GRIK3: variants seen among roughly 807,000 people sequenced by gnomAD.
GRIK3 encodes the protein glutamate receptor ionotropic, kainate 3.
GRIK3 carries 29 observed loss-of-function variants against 102.5 expected under a neutral mutation model. The observed-to-expected ratio is 0.28, with a 90% CI of 0.21 to 0.39. The LOEUF is 0.39. Among genes scored for constraint, GRIK3 ranks in the 10% least tolerant of loss-of-function variants. The probability of loss-of-function intolerance (pLI) is 1.00; values close to 1 mark genes in which losing one functional copy is unlikely to be tolerated. For missense variants in GRIK3, 908 were observed against 1,252.4 expected, an observed-to-expected ratio of 0.73 and a Z score of 4.15; for synonymous variants, 511 against 504.9, an observed-to-expected ratio of 1.01 and a Z score of -0.16.
chr1:37,026,755 T>C (rs1203597457), intron 1 of GRIK3, among the ~76,000 whole-genome samples: 1 of 152,082 alleles, frequency 6.6e-6, no homozygotes, highest in Admixed American at 6.6e-5. Flanking sequence ...AAGTACACAT[T>C]GGACTCACGT....
rs1035206539 is a variant in GRIK3 at position 36,806,426 on chromosome 1, G to A, written c.2092-100C>T. ...CAACGTGGGTTGGGGCCTTGAACTC[G>A]GTCTACAATCTTCAGAGAAAGGAAG... On this transcript the variant is annotated intron_variant, in intron 13 of 15. Transcript: ENST00000373091. This position sits in a 1 kb window ranked among gnomAD's most constrained non-coding sequence, Gnocchi z 4.0. 4 of 678,240 alleles carry A rather than the reference G, an allele frequency of 5.9e-6. No individual in the cohort carries two copies. Among genetic ancestry groups the A allele is most frequent in the South Asian group, 1.8e-5 (1 of 54,946 alleles). 42.0% of individuals were successfully genotyped at this position (678,240 alleles called of 1,614,324 possible).
intron 7 of GRIK3, 55 bp from the exon 8 acceptor site, chr1:36,853,777 G>A (rs556907256): frequency 4.3e-6 from 4 of 930,840 alleles, no homozygotes; most frequent in African/African-American, 1.6e-5. Context: ...ATCATCATTC[G>A]GTACAACTGT....
chr1:36,995,459 G>T (rs72923870), intron 1 of GRIK3, among the ~76,000 whole-genome samples: 18 of 152,284 alleles, frequency 1.2e-4, no homozygotes, highest in Middle Eastern at 3.4e-3. Flanking sequence ...AGCCATTATG[G>T]TTACTTCTGG....
At chr1:36,985,586 A>G (rs947482620) in intron 1 of GRIK3, among the ~76,000 whole-genome samples, 1 of 152,170 alleles carries the variant, frequency 6.6e-6, no homozygotes, top group Non-Finnish European at 1.5e-5. Flanking sequence ...TCCATCCCCA[A>G]GGTGCCCTGG....
chr1:36,846,937 C>T (rs115587364), intron 9 of GRIK3, among the ~76,000 whole-genome samples: 1,776 of 152,344 alleles, frequency 0.012, 31 homozygotes, highest in African/African-American at 0.041. Flanking sequence ...TCCTCTATCC[C>T]CATCAGGGAT....
intron 1 of GRIK3, among the ~76,000 whole-genome samples, chr1:36,924,218 A>G (rs947074499): frequency 7.9e-5 from 12 of 152,154 alleles, no homozygotes; most frequent in African/African-American, 2.9e-4. Context: ...AGCAAGACTG[A>G]AGTTTTGCAT....
At chr1:36,989,835 A>G (rs187833617) in intron 1 of GRIK3, among the ~76,000 whole-genome samples, 3 of 152,310 alleles carry the variant, frequency 2.0e-5, no homozygotes, top group Non-Finnish European at 4.4e-5. Context: ...TACCAACAAT[A>G]CAGTGATAAC....
At chr1:36,869,672 C>G in intron 5 of GRIK3, 76 bp downstream of exon 5, 1 of 1,155,936 alleles carries the variant, frequency 8.7e-7, no homozygotes, top group African/African-American at 1.5e-5. Flanking sequence ...AGTGGGCTGG[C>G]CCAGGCTAAG....
At chr1:37,029,182 C>T (rs1427998991) in intron 1 of GRIK3, among the ~76,000 whole-genome samples, 1 of 152,220 alleles carries the variant, frequency 6.6e-6, no homozygotes, top group African/African-American at 2.4e-5. Flanking sequence ...GCGCCAGCCC[C>T]ATCCGCATCA....
chr1:36,969,087 C>A (rs1312909969), intron 1 of GRIK3, among the ~76,000 whole-genome samples: 1 of 152,204 alleles, frequency 6.6e-6, no homozygotes, highest in Non-Finnish European at 1.5e-5. Flanking sequence ...CAAGACAAAG[C>A]AACCCTTCCA....
chr1:36,816,240 C>T (rs759272608), intron 13 of GRIK3, among the ~76,000 whole-genome samples: 7 of 152,136 alleles, frequency 4.6e-5, no homozygotes, highest in East Asian at 1.9e-4. Flanking sequence ...AGAAATAATT[C>T]GAGTACCAGC....
At chr1:37,015,843 A>T (rs977799411) in intron 1 of GRIK3, among the ~76,000 whole-genome samples, 1 of 152,242 alleles carries the variant, frequency 6.6e-6, no homozygotes, top group Admixed American at 6.5e-5. Context: ...TGTTGGAGAG[A>T]TGGGCCTGCG....
chr1:36,866,253 G>A (rs924460218), intron 5 of GRIK3, among the ~76,000 whole-genome samples: 5 of 152,210 alleles, frequency 3.3e-5, no homozygotes, highest in Admixed American at 3.3e-4. Flanking sequence ...TTTCCCCATT[G>A]ACCTCAATTA....
intron 1 of GRIK3, among the ~76,000 whole-genome samples, chr1:37,029,377 C>T (rs1292535539): frequency 6.6e-6 from 1 of 152,220 alleles, no homozygotes; most frequent in Non-Finnish European, 1.5e-5. Flanking sequence ...AGTTCCTCTC[C>T]GTGCTGCCCA....
chr1:36,866,665 C>T (rs781679638), intron 5 of GRIK3, among the ~76,000 whole-genome samples: 2 of 152,298 alleles, frequency 1.3e-5, no homozygotes, highest in Middle Eastern at 3.4e-3. Context: ...ATTACTGTCA[C>T]CACTGTATAG....
chr1:36,993,604 T>C (rs1642385254), intron 1 of GRIK3, among the ~76,000 whole-genome samples: 1 of 152,140 alleles, frequency 6.6e-6, no homozygotes, highest in African/African-American at 2.4e-5. Flanking sequence ...CACGGTGAAG[T>C]GATGTGAGGC....
intron 1 of GRIK3, among the ~76,000 whole-genome samples, chr1:36,941,567 C>A (rs1261517392): frequency 2.0e-5 from 3 of 151,990 alleles, no homozygotes. Flanking sequence ...GGGGGGAGTG[C>A]TGTATAAAGG....
chr1:36,969,903 G>A (rs1035151858), intron 1 of GRIK3, among the ~76,000 whole-genome samples: 5 of 152,288 alleles, frequency 3.3e-5, no homozygotes, highest in East Asian at 3.9e-4. Flanking sequence ...TCAGCTAATC[G>A]AAACTATGAC....
At chr1:36,868,010 C>T (rs904872594) in intron 5 of GRIK3, among the ~76,000 whole-genome samples, 2 of 152,170 alleles carry the variant, frequency 1.3e-5, no homozygotes, top group East Asian at 3.9e-4. Context: ...GACCCCAGTA[C>T]CTTCCACGTT....
Sources: allele counts gnomAD v4.1 joint callset (sites outside exome capture counted in the v4.1 genomes callset), GRCh38; gene constraint gnomAD v4.1.1; non-coding constraint Gnocchi (gnomAD v3.1); transcripts MANE v1.5; gene names NCBI Gene and HGNC (gene_info 2026-07-23, HGNC 2026-07-21).